The following COL10A1 variants were observed in gnomAD, a reference collection of about 807,000 sequenced individuals.
The protein encoded by COL10A1 is collagen alpha-1(X) chain.
In COL10A1, 10 loss-of-function variants were observed where a neutral mutation model predicts 18.2. The ratio of observed to expected loss-of-function variants is 0.55; its 90% CI spans 0.34 to 0.93. The LOEUF is 0.93. COL10A1 is among the 40% of genes least tolerant of loss of function. The pLI is 0.02. For synonymous variants in COL10A1, 330 were observed against 316.6 expected (o/e 1.04, Z -0.45); for missense variants, 897 against 853.5 (o/e 1.05, Z -0.64).
chr6:116,203,989 A>G, the COL10A1 span, among the ~76,000 whole-genome samples: 1 of 151,894 alleles, frequency 6.6e-6, no homozygotes, highest in Non-Finnish European at 1.5e-5. Context: ...TGATCATCAA[A>G]TATACCTATT....
At chr6:116,127,428 T>C (rs1249012911), upstream of COL10A1, among the ~76,000 whole-genome samples, 2 of 152,172 alleles carry the variant, frequency 1.3e-5, no homozygotes, top group African/African-American at 2.4e-5. Context: ...CTCTGTATAA[T>C]ACTCATAGAT....
the COL10A1 span, among the ~76,000 whole-genome samples, chr6:116,207,022 G>A: frequency 6.6e-6 from 1 of 151,672 alleles, no homozygotes; most frequent in Non-Finnish European, 1.5e-5. Flanking sequence ...TAAATAGTCT[G>A]ATCACTTATG....
chr6:116,128,217 C>A (rs555712413), upstream of COL10A1, among the ~76,000 whole-genome samples: 8 of 152,266 alleles, frequency 5.3e-5, no homozygotes, highest in East Asian at 1.3e-3. Flanking sequence ...GGACATTCAA[C>A]CCTTTTTGCA....
At chr6:116,124,599 A>G (rs1477540226) in intron 2 of COL10A1, among the ~76,000 whole-genome samples, 1 of 152,210 alleles carries the variant, frequency 6.6e-6, no homozygotes, top group Non-Finnish European at 1.5e-5. Context: ...TAATAGCAAC[A>G]CTTAAAGCAC....
the COL10A1 span, among the ~76,000 whole-genome samples, chr6:116,169,269 T>C: frequency 6.6e-6 from 1 of 152,248 alleles, no homozygotes; most frequent in African/African-American, 2.4e-5. Context: ...TTGTTTAACT[T>C]TTCTAGTTAT....
chr6:116,207,363 G>C, the COL10A1 span, among the ~76,000 whole-genome samples: 7 of 33,296 alleles, frequency 2.1e-4, no homozygotes, highest in Admixed American at 3.8e-4. Flanking sequence ...ATTCTAAAGA[G>C]AGAAAGCAAA....
chr6:116,139,673 T>G (rs775731968), intron 1 of COL10A1, among the ~76,000 whole-genome samples: 2 of 152,202 alleles, frequency 1.3e-5, no homozygotes, highest in Non-Finnish European at 2.9e-5. Flanking sequence ...ATTTGCAAAT[T>G]ACACATGTGG....
chr6:116,193,031 A>C, the COL10A1 span, among the ~76,000 whole-genome samples: 3 of 152,026 alleles, frequency 2.0e-5, no homozygotes, highest in Non-Finnish European at 4.4e-5. Context: ...TTTCCTTTTT[A>C]TGTAAATGCA....
At chr6:116,146,457 A>G (rs1779899683) in intron 1 of COL10A1, among the ~76,000 whole-genome samples, 1 of 152,204 alleles carries the variant, frequency 6.6e-6, no homozygotes, top group South Asian at 2.1e-4. Flanking sequence ...TTTACTCAAA[A>G]TGGGGGAAAG....
chr6:116,182,329 AATTGTGCTGCTAT>A, the COL10A1 span, among the ~76,000 whole-genome samples: 3 of 151,504 alleles, frequency 2.0e-5, no homozygotes, highest in Non-Finnish European at 2.9e-5. Context: ...AGCAGTTGCA[AATTGTGCTGCTAT>A]AAATGTGTGT....
the COL10A1 span, among the ~76,000 whole-genome samples, chr6:116,176,771 C>G: frequency 6.6e-6 from 1 of 152,046 alleles, no homozygotes; most frequent in Admixed American, 6.6e-5. Flanking sequence ...CAGGTAGCAC[C>G]GAAGCACTGT....
At chr6:116,201,822 G>A in the COL10A1 span, among the ~76,000 whole-genome samples, 1 of 152,000 alleles carries the variant, frequency 6.6e-6, no homozygotes, top group Admixed American at 6.6e-5. Flanking sequence ...ATGGTTTCAT[G>A]ATTATAATTA....
At chr6:116,180,004 T>C in the COL10A1 span, among the ~76,000 whole-genome samples, 1 of 151,906 alleles carries the variant, frequency 6.6e-6, no homozygotes, top group South Asian at 2.1e-4. Context: ...CAGAAGTTTA[T>C]TATTACAATT....
chr6:116,122,209 A>T (rs1779152516), intron 2 of COL10A1, among the ~76,000 whole-genome samples: 1 of 152,188 alleles, frequency 6.6e-6, no homozygotes, highest in South Asian at 2.1e-4. Context: ...GATTCATGAA[A>T]ATGAGCTAGG....
the COL10A1 span, among the ~76,000 whole-genome samples, chr6:116,171,730 C>T: frequency 7.2e-5 from 11 of 152,124 alleles, no homozygotes; most frequent in African/African-American, 2.7e-4. Flanking sequence ...TGAGTTTTTA[C>T]GGTTTTCTCC....
At chr6:116,196,603 T>A in the COL10A1 span, among the ~76,000 whole-genome samples, 8 of 152,050 alleles carry the variant, frequency 5.3e-5, no homozygotes. Flanking sequence ...ATATAGAAAG[T>A]TGAGGTCAGG....
At chr6:116,210,355 A>G in the COL10A1 span, among the ~76,000 whole-genome samples, 1 of 148,758 alleles carries the variant, frequency 6.7e-6, no homozygotes, top group East Asian at 1.9e-4. Context: ...AAATGTAATA[A>G]TGTACCATGT....
At position 116,135,834 on chromosome 6, in the gene COL10A1, GATATATATATAT is replaced by G. The variant is rs199827970; in HGVS notation, c.-15-10339_-15-10328del. ...ATTTATGGTATACAATATATTTTCAGATATATATATATATATATATATATATATATATATATA... is the reference window on the plus strand; with the variant it reads ...ATTTATGGTATACAATATATTTTCAGATATATATATATATATATATATATA... On this transcript the variant is annotated intron_variant, in intron 1 of 1. Transcript: ENST00000418500. Among the ~76,000 whole-genome samples the G allele has an allele frequency of 5.6e-4, 57 of 102,356 alleles. 1 individual carries two copies. The highest frequency in any genetic ancestry group is 2.3e-3 in the South Asian group (7 of 3,054). The allele number at this position is 102,356 out of a possible 152,430, so 67.1% of individuals were successfully genotyped here. A position where few individuals can be genotyped will look rare whatever the true frequency, so the allele number is the denominator to read the frequency against.
At chr6:116,169,801 A>G in the COL10A1 span, among the ~76,000 whole-genome samples, 1 of 152,208 alleles carries the variant, frequency 6.6e-6, no homozygotes, top group Non-Finnish European at 1.5e-5. Flanking sequence ...ATAAAAACCT[A>G]TTGATTGAAA....
Sources: gnomAD v4.1 joint callset for allele counts (sites outside exome capture counted in the v4.1 genomes callset) on GRCh38, gnomAD v4.1.1 for gene constraint, MANE v1.5 for transcripts, NCBI Gene and HGNC (gene_info 2026-07-23, HGNC 2026-07-21) for gene names.